The following DCDC2C variants were observed in gnomAD, a reference collection of about 807,000 sequenced individuals.
DCDC2C encodes doublecortin domain containing 2C, also known as doublecortin domain-containing protein 2C.
DCDC2C carries 44 observed loss-of-function variants against 45.0 expected under a neutral mutation model. The ratio of observed to expected loss-of-function variants is 0.98; its 90% CI spans 0.77 to 1.26. The LOEUF (loss-of-function observed/expected upper bound fraction) is 1.26, where lower values mean the gene tolerates loss of function less well. Ranked by LOEUF, DCDC2C falls within the 50% of genes most tolerant of loss-of-function variation. The pLI, the probability that DCDC2C is intolerant of heterozygous loss-of-function variation, is 0.00. For missense variants in DCDC2C, 447 were observed against 468.9 expected (o/e 0.95, Z 0.43); for synonymous variants, 187 against 178.8 (o/e 1.05, Z -0.37).
In DCDC2C at chr2:3,727,032, T is replaced by C; in HGVS notation, c.369T>C (p.Asn123=). Residue 123 remains asparagine, a synonymous_variant, in exon 3 of 11, where the codon AAT becomes AAC. Transcript: ENST00000399143. The part of the protein sequence containing the change: ...EIKPVVHCDI[N]VPSKWQTYHR... ...AACCAGTGGTGCATTGTGATATAAA[T>C]GTGCCTTCCAAGTGGCAAACATATC... The C allele has an allele frequency of 4.5e-6, 7 of 1,550,562 alleles. No individual in the cohort carries two copies. The highest frequency in any genetic ancestry group is 6.1e-6 in the Non-Finnish European group (7 of 1,146,960).
At chr2:3,732,826 A>G (rs1356134444) in intron 3 of DCDC2C, among the ~76,000 whole-genome samples, 1 of 152,190 alleles carries the variant, frequency 6.6e-6, no homozygotes, top group Admixed American at 6.5e-5. Context: ...AGAAGGACAG[A>G]TAACACCCAT....
chr2:3,712,240 T>C (rs6542651), intron 2 of DCDC2C, among the ~76,000 whole-genome samples: 39,390 of 152,068 alleles, frequency 0.26, 9,517 homozygotes, highest in African/African-American at 0.63. Flanking sequence ...ACAGAGCTAA[T>C]CAGTCACAGG....
intron 3 of DCDC2C, 24 bp from the exon 4 acceptor site, chr2:3,741,896 A>T: frequency 6.5e-7 from 1 of 1,537,148 alleles, no homozygotes; most frequent in Non-Finnish European, 8.8e-7. Flanking sequence ...GTATTAATGG[A>T]TGCTTTTCTT....
intron 10 of DCDC2C, among the ~76,000 whole-genome samples, chr2:3,838,086 T>A (rs1672124829): frequency 6.6e-6 from 1 of 152,106 alleles, no homozygotes; most frequent in Non-Finnish European, 1.5e-5. Context: ...CCTGGGGTTA[T>A]GTCGTGGCAC....
Position 3,810,342 on chromosome 2 carries a change from C to G in DCDC2C, c.1065+25242C>G, listed in dbSNP as rs149459068. Among the ~76,000 whole-genome samples, 4 of 152,312 alleles carry G rather than the reference C, an allele frequency of 2.6e-5. No homozygotes were observed. The East Asian group carries it at 5.8e-4, about 22-fold the overall frequency. On this transcript the variant is annotated intron_variant, in intron 10 of 10. Coordinates refer to ENST00000399143, the MANE Select transcript of DCDC2C (RefSeq NM_001287444.2). ...TTTTGATTTGCATTTATCTGATGATCAGCGATGTTGAACTTTTTTCATGTA... is the reference window on the plus strand; with the variant it reads ...TTTTGATTTGCATTTATCTGATGATGAGCGATGTTGAACTTTTTTCATGTA...
At chr2:3,777,509 G>A (rs749849294) in intron 8 of DCDC2C, among the ~76,000 whole-genome samples, 4 of 152,104 alleles carry the variant, frequency 2.6e-5, no homozygotes, top group African/African-American at 7.2e-5. Flanking sequence ...ATATCACATC[G>A]ACTATTCTTT....
chr2:3,825,255 T>C (rs914376182), intron 10 of DCDC2C, among the ~76,000 whole-genome samples: 4 of 152,228 alleles, frequency 2.6e-5, no homozygotes, highest in Admixed American at 2.6e-4. Flanking sequence ...CAGTCACCTA[T>C]ATGCACCAAA....
At chr2:3,709,502 CTTGGAG>C in intron 2 of DCDC2C, among the ~76,000 whole-genome samples, 2 of 152,358 alleles carry the variant, frequency 1.3e-5, no homozygotes, top group East Asian at 3.9e-4. Context: ...CCGCTGCCTT[CTTGGAG>C]TCTGCCCTTG....
intron 4 of DCDC2C, among the ~76,000 whole-genome samples, chr2:3,748,588 C>T (rs900596463): frequency 6.6e-6 from 1 of 152,004 alleles, no homozygotes; most frequent in Non-Finnish European, 1.5e-5. Flanking sequence ...ATGCGCCAGG[C>T]TGGATATGTG....
chr2:3,710,135 A>T (rs569256442), intron 2 of DCDC2C, among the ~76,000 whole-genome samples: 5 of 152,368 alleles, frequency 3.3e-5, no homozygotes, highest in African/African-American at 1.2e-4. Flanking sequence ...GCAGAAAATC[A>T]AAACTACGGT....
intron 10 of DCDC2C, among the ~76,000 whole-genome samples, chr2:3,799,419 G>A (rs1178136227): frequency 3.3e-5 from 5 of 151,974 alleles, no homozygotes; most frequent in African/African-American, 9.7e-5. Flanking sequence ...GAGGAACTGC[G>A]TTCCTTTGGA....
At chr2:3,725,307 G>A (rs1668610999) in intron 2 of DCDC2C, among the ~76,000 whole-genome samples, 1 of 152,202 alleles carries the variant, frequency 6.6e-6, no homozygotes, top group Non-Finnish European at 1.5e-5. Context: ...GGGGGCTCGA[G>A]CAGAGACCCT....
intron 10 of DCDC2C, among the ~76,000 whole-genome samples, chr2:3,810,986 T>C (rs1464451595): frequency 5.3e-5 from 8 of 152,190 alleles, no homozygotes; most frequent in Admixed American, 5.2e-4. Flanking sequence ...ACTGTAGCCT[T>C]GTAGTATAGT....
intron 10 of DCDC2C, among the ~76,000 whole-genome samples, chr2:3,815,366 TAGTC>T (rs903619999): frequency 3.3e-5 from 5 of 152,190 alleles, no homozygotes; most frequent in African/African-American, 7.2e-5. Flanking sequence ...CTCCAGCTCT[TAGTC>T]AGTTCTGATG....
At chr2:3,749,867 T>C (rs1669486935) in intron 4 of DCDC2C, among the ~76,000 whole-genome samples, 3 of 152,178 alleles carry the variant, frequency 2.0e-5, no homozygotes. Context: ...ACAGCCAGTT[T>C]CATTCCTGCA....
chr2:3,813,926 T>C (rs751596199), intron 10 of DCDC2C, among the ~76,000 whole-genome samples: 5 of 152,164 alleles, frequency 3.3e-5, no homozygotes, highest in Non-Finnish European at 4.4e-5. Flanking sequence ...AAGGTTATTA[T>C]TGTTATGTGT....
intron 10 of DCDC2C, among the ~76,000 whole-genome samples, chr2:3,827,319 G>A (rs1227586607): frequency 6.6e-6 from 1 of 152,158 alleles, no homozygotes; most frequent in East Asian, 1.9e-4. Flanking sequence ...GGGCAGGGAT[G>A]GGGGTGGGGG....
At chr2:3,731,038 G>A (rs1387078086) in intron 3 of DCDC2C, among the ~76,000 whole-genome samples, 1 of 152,208 alleles carries the variant, frequency 6.6e-6, no homozygotes, top group Non-Finnish European at 1.5e-5. Flanking sequence ...ATTTTGTGGA[G>A]TCATTTACAA....
rs1438719896 is a variant in DCDC2C, at chr2:3,847,611, G to A, written c.*428G>A. ...TATGTAAAGTTCAAAGTATAAAAAT[G>A]TTTTACCTTCTGAATAACTAGTTCA... On this transcript the variant is annotated 3_prime_UTR_variant, in exon 11 of 11. Coordinates refer to ENST00000399143, the MANE Select transcript of DCDC2C (RefSeq NM_001287444.2). Among the ~76,000 whole-genome samples, 1 of 152,166 alleles carries A rather than the reference G, an allele frequency of 6.6e-6. No homozygotes were observed. Among genetic ancestry groups the A allele is most frequent in the African/African-American group, 2.4e-5 (1 of 41,436 alleles).
Sources: gnomAD v4.1 joint callset for allele counts (sites outside exome capture counted in the v4.1 genomes callset) on GRCh38, gnomAD v4.1.1 for gene constraint, MANE v1.5 for transcripts, NCBI Gene and HGNC (gene_info 2026-07-23, HGNC 2026-07-21) for gene names.